ALDH1A1: variants seen among roughly 807,000 people sequenced by gnomAD.
ALDH1A1 encodes aldehyde dehydrogenase 1 family member A1, also known as aldehyde dehydrogenase 1A1.
Under a neutral mutation model 62.1 loss-of-function variants are expected in ALDH1A1, and 19 were observed. That is an observed-to-expected ratio of 0.31 (90% confidence interval 0.21 to 0.45). The LOEUF (loss-of-function observed/expected upper bound fraction) is 0.45. Among genes scored for constraint, ALDH1A1 ranks in the 20% least tolerant of loss-of-function variants. The probability of loss-of-function intolerance (pLI) is 1.00; values close to 1 mark genes in which losing one functional copy is unlikely to be tolerated. For synonymous variants in ALDH1A1, 231 were observed against 215.9 expected (o/e 1.07, Z -0.61); for missense variants, 521 against 607.1 (o/e 0.86, Z 1.49).
chr9:72,932,736 A>G (rs1830298175), intron 2 of ALDH1A1, among the ~76,000 whole-genome samples: 2 of 152,192 alleles, frequency 1.3e-5, no homozygotes, highest in African/African-American at 4.8e-5. Context: ...ACTTTTTCCT[A>G]AATTTACAGA....
intron 11 of ALDH1A1, among the ~76,000 whole-genome samples, chr9:72,908,591 GAAAGAAAGAAAGAAAGA>G (rs1313856743): frequency 3.8e-4 from 55 of 144,244 alleles, no homozygotes; most frequent in Non-Finnish European, 7.4e-4. Context: ...AAGAAAGAAA[GAAAGAAAGAAAGAAAGA>G]AAGAAAGAAA....
rs576985451 is a variant in ALDH1A1, at chr9:72,923,891, A to C, written c.747+128T>G. 26 of 599,184 alleles carry C rather than the reference A, an allele frequency of 4.3e-5. No individual in the cohort carries two copies. The East Asian group carries it at 7.1e-4, about 16-fold the overall frequency. The allele number at this position is 599,184 out of a possible 1,614,324, so 37.1% of individuals were successfully genotyped here. A position where few individuals can be genotyped will look rare whatever the true frequency, so the allele number is the denominator to read the frequency against. The stretch of plus-strand genomic sequence containing the variant: ...TTCTATCCATATGTTTGAAGGCTAA[A>C]ATAAGTAACAAATCATTAAAAAGAG... On this transcript the variant is annotated intron_variant, in intron 7 of 12. Transcript: ENST00000297785.
chr9:72,916,826 GATGGGAAGTAATCTTACTCA>G, intron 9 of ALDH1A1, 74 bp downstream of exon 9: 1 of 1,061,678 alleles, frequency 9.4e-7, no homozygotes, highest in Non-Finnish European at 1.3e-6. Context: ...AAGGTGTGCA[GATGGGAAGTAATCTTACTCA>G]ATAAAATCTA....
At chr9:72,916,562 G>A (rs968999835) in intron 9 of ALDH1A1, among the ~76,000 whole-genome samples, 7 of 151,924 alleles carry the variant, frequency 4.6e-5, no homozygotes, top group African/African-American at 1.7e-4. Context: ...GGATTCAGGA[G>A]GAAAAAATGG....
At chr9:72,951,682 A>G (rs939612664) in intron 1 of ALDH1A1, among the ~76,000 whole-genome samples, 2 of 151,924 alleles carry the variant, frequency 1.3e-5, no homozygotes, top group African/African-American at 4.8e-5. Flanking sequence ...TTTTGGACAT[A>G]CCTTTGCCAA....
In ALDH1A1 at chr9:72,902,146, T is replaced by C. The variant is rs12000845; in HGVS notation, c.1434-866A>G. On this transcript the variant is annotated intron_variant, in intron 12 of 12. Transcript: ENST00000297785. Reference sequence around the variant, plus strand: ...TCAGGAATTAACTCAGTCAATCAGTTTGGATTTTGGGATCTTGTTATCAGG... The same window carrying C: ...TCAGGAATTAACTCAGTCAATCAGTCTGGATTTTGGGATCTTGTTATCAGG... Among the ~76,000 whole-genome samples the C allele has an allele frequency of 7.1e-3, 1,086 of 152,040 alleles. 10 individuals carry two copies. The highest frequency in any genetic ancestry group is 0.025 in the African/African-American group (1,040 of 41,506).
intron 3 of ALDH1A1, among the ~76,000 whole-genome samples, chr9:72,929,519 A>G (rs1480212244): frequency 6.6e-6 from 1 of 152,224 alleles, no homozygotes; most frequent in East Asian, 1.9e-4. Flanking sequence ...TTTTTCATCC[A>G]TGAATTTCCT....
chr9:72,926,177 C>T (rs146218505), intron 5 of ALDH1A1, among the ~76,000 whole-genome samples: 1 of 152,268 alleles, frequency 6.6e-6, no homozygotes, highest in Non-Finnish European at 1.5e-5. Flanking sequence ...TGATAATAGT[C>T]CTCTCTGCCT....
chr9:72,916,582 A>T (rs544239393), intron 9 of ALDH1A1, among the ~76,000 whole-genome samples: 1 of 152,288 alleles, frequency 6.6e-6, no homozygotes, highest in East Asian at 1.9e-4. Flanking sequence ...GTAGGAATGT[A>T]TAAGAATTTC....
intron 11 of ALDH1A1, among the ~76,000 whole-genome samples, chr9:72,908,402 T>G (rs1455944309): frequency 9.3e-6 from 1 of 107,828 alleles, no homozygotes; most frequent in African/African-American, 3.7e-5. Flanking sequence ...ACCATTGCAC[T>G]CCAGCCTGGG....
chr9:72,905,864 T>G (rs1588129118), intron 12 of ALDH1A1, 94 bp downstream of exon 12: 3 of 1,056,486 alleles, frequency 2.8e-6, no homozygotes, highest in African/African-American at 1.6e-5. Flanking sequence ...CAGAGGCAGG[T>G]TTTATGTAAG....
intron 2 of ALDH1A1, among the ~76,000 whole-genome samples, chr9:72,937,879 C>T (rs1381290412): frequency 6.6e-6 from 1 of 152,166 alleles, no homozygotes; most frequent in Non-Finnish European, 1.5e-5. Flanking sequence ...AAGCCAGTGA[C>T]ATTTGTCATC....
At chr9:72,927,246 G>A (rs1048098289) in intron 4 of ALDH1A1, 69 bp from the exon 5 acceptor site, 2 of 1,165,416 alleles carry the variant, frequency 1.7e-6, no homozygotes, top group Non-Finnish European at 2.5e-6. Flanking sequence ...GGTGGTTGGT[G>A]ATGTGAGAGA....
In ALDH1A1 at chr9:72,916,964, T is replaced by C; in HGVS notation, c.991A>G (p.Ile331Val). The C allele has an allele frequency of 1.9e-6, 3 of 1,613,572 alleles. No homozygotes were observed. Among genetic ancestry groups the C allele is most frequent in the South Asian group, 2.2e-5 (2 of 91,010 alleles). Reference protein sequence around the residue: ...RRSVERAKKYILGNPLTPGVT... With the variant: ...RRSVERAKKYVLGNPLTPGVT... ...CCTGGGGTCAGAGGATTTCCAAGGA[T>C]ATACTTCTTAGCCCGCTCAACACTC... Residue 331 changes from isoleucine (I) to valine (V), a missense_variant, in exon 9 of 13, where the codon ATC becomes GTC. Physicochemically the swap from Ile to Val is conservative, Grantham distance 29. Coordinates refer to ENST00000297785, the MANE Select transcript of ALDH1A1 (RefSeq NM_000689.5).
intron 1 of ALDH1A1, among the ~76,000 whole-genome samples, chr9:72,943,147 A>G (rs1180289099): frequency 1.3e-5 from 2 of 152,116 alleles, no homozygotes; most frequent in African/African-American, 4.8e-5. Context: ...TCATTTTGGC[A>G]GAGATCCAGA....
chr9:72,915,845 C>T (rs779652698), intron 9 of ALDH1A1, among the ~76,000 whole-genome samples: 13 of 152,152 alleles, frequency 8.5e-5, no homozygotes, highest in East Asian at 1.9e-4. Context: ...CTGATAGCAA[C>T]GTTCACTAAC....
intron 7 of ALDH1A1, among the ~76,000 whole-genome samples, chr9:72,922,298 C>A (rs544717342): frequency 1.3e-5 from 2 of 152,274 alleles, no homozygotes; most frequent in African/African-American, 2.4e-5. Flanking sequence ...TTTAAAGACA[C>A]ACTGCTAGGA....
Position 72,901,121 on chromosome 9 carries a change from A to C in ALDH1A1, c.*87T>G. ...TATGTTTAAAAAAATCAAGAAAAGA[A>C]AAATTTTGTCTTTAAAATCTACTAT... On this transcript the variant is annotated 3_prime_UTR_variant, in exon 13 of 13. Transcript: ENST00000297785. 9.7e-7 allele frequency: 1 copy of C among 1,026,610 alleles called. No homozygotes were observed. Among genetic ancestry groups the C allele is most frequent in the South Asian group, 1.7e-5 (1 of 58,730 alleles). The allele number at this position is 1,026,610 out of a possible 1,614,324, so 63.6% of individuals were successfully genotyped here. A position where few individuals can be genotyped will look rare whatever the true frequency, so the allele number is the denominator to read the frequency against.
At chr9:72,917,160 A>G (rs1277741337) in intron 8 of ALDH1A1, 56 bp from the exon 9 acceptor site, 2 of 1,256,968 alleles carry the variant, frequency 1.6e-6, no homozygotes, top group South Asian at 3.4e-5. Flanking sequence ...TATATTTTAT[A>G]TGTTTCTCAG....
Sources: gnomAD v4.1 joint callset for allele counts (sites outside exome capture counted in the v4.1 genomes callset) on GRCh38, gnomAD v4.1.1 for gene constraint, MANE v1.5 for transcripts, NCBI Gene and HGNC (gene_info 2026-07-23, HGNC 2026-07-21) for gene names.